DZIP1L: variants seen among roughly 807,000 people sequenced by gnomAD.
DZIP1L encodes cilium assembly protein DZIP1L.
A neutral mutation model predicts 88.7 loss-of-function variants in DZIP1L; 90 were observed. The observed-to-expected ratio is 1.02, with a 90% confidence interval of 0.86 to 1.21. The LOEUF is 1.21. Among genes scored for constraint, DZIP1L ranks in the 50% most tolerant of loss-of-function variants. The pLI is 0.00. For missense variants in DZIP1L, 932 were observed against 955.8 expected (o/e 0.98, Z 0.33); for synonymous variants, 363 against 372.1 (o/e 0.98, Z 0.28).
intron 14 of DZIP1L, among the ~76,000 whole-genome samples, chr3:138,066,891 G>A (rs1346241455): frequency 6.6e-6 from 1 of 152,138 alleles, no homozygotes; most frequent in Non-Finnish European, 1.5e-5. Context: ...AAGGAGGGCC[G>A]CTGATCCAGA....
intron 10 of DZIP1L, 28 bp downstream of exon 10, chr3:138,080,539 A>G (rs373038503): frequency 8.7e-6 from 14 of 1,612,894 alleles, no homozygotes; most frequent in Non-Finnish European, 1.2e-5. Context: ...TCTGCACTGG[A>G]CACCCAGGAA....
At chr3:138,088,878 C>G (rs1389828201) in intron 5 of DZIP1L, 6 of 989,046 alleles carry the variant, frequency 6.1e-6, no homozygotes, top group Non-Finnish European at 7.2e-6. Context: ...GGGTCTCACC[C>G]CAGGCCACTC....
intron 11 of DZIP1L, among the ~76,000 whole-genome samples, chr3:138,077,172 T>C (rs1375302502): frequency 6.6e-6 from 1 of 152,128 alleles, no homozygotes; most frequent in Non-Finnish European, 1.5e-5. Context: ...ACAGGCCAGA[T>C]TGAGCCAATT....
chr3:138,090,527 T>C (rs771266363), intron 5 of DZIP1L, among the ~76,000 whole-genome samples: 2 of 152,112 alleles, frequency 1.3e-5, no homozygotes, highest in Non-Finnish European at 2.9e-5. Context: ...CTGGGAAGCA[T>C]TTTGGATGGA....
At chr3:138,109,037 A>G (rs750846717) in intron 1 of DZIP1L, among the ~76,000 whole-genome samples, 9 of 151,228 alleles carry the variant, frequency 6.0e-5, no homozygotes, top group Non-Finnish European at 1.3e-4. Context: ...GGCCCTGTTT[A>G]AGGTGGGAAA....
At position 138,062,737 on chromosome 3, in the gene DZIP1L, C is replaced by A; in HGVS notation, c.*79G>T. On this transcript the variant is annotated 3_prime_UTR_variant, in exon 16 of 16. Coordinates refer to ENST00000327532, the MANE Select transcript of DZIP1L (RefSeq NM_173543.3). ...TGGTTGTTTGTGAAGACAAGAGGCC[C>A]AGCAGCCTCTTCTGTTGAAGTGGAC... The A allele has an allele frequency of 6.7e-7, 1 of 1,501,304 alleles. No individual in the cohort carries two copies. The highest frequency in any genetic ancestry group is 1.2e-5 in the South Asian group (1 of 86,358). 93.0% of individuals were successfully genotyped at this position (1,501,304 alleles called of 1,614,324 possible). A position where few individuals can be genotyped will look rare whatever the true frequency, so the allele number is the denominator to read the frequency against.
Position 138,063,039 on chromosome 3 carries a change from T to C in DZIP1L, c.2143-62A>G. ...ATAAGGGAGGAGGGTGGCTGAGAGC[T>C]AAGCACATTGCAGGATGGGAATGCA... is the stretch of plus-strand genomic sequence containing the variant. On this transcript the variant is annotated intron_variant, in intron 15 of 15. Coordinates refer to ENST00000327532, the MANE Select transcript of DZIP1L (RefSeq NM_173543.3). The surrounding 1 kb of genome is among the most constrained non-coding windows in gnomAD (Gnocchi z 4.1). 2.5e-6 allele frequency: 4 copies of C among 1,573,004 alleles called. No individual in the cohort carries two copies. The highest frequency in any genetic ancestry group is 3.5e-6 in the Non-Finnish European group (4 of 1,155,098).
chr3:138,094,803 A>G, intron 4 of DZIP1L, 59 bp downstream of exon 4: 1 of 1,604,516 alleles, frequency 6.2e-7, no homozygotes, highest in African/African-American at 1.3e-5. Flanking sequence ...CATGTGCATC[A>G]AGGGTCTCCT....
chr3:138,068,141 T>TG lies in DZIP1L; in HGVS notation c.1832+9dup, dbSNP rs759446478. On this transcript the variant is annotated intron_variant, in intron 13 of 15. Coordinates refer to ENST00000327532, the MANE Select transcript of DZIP1L (RefSeq NM_173543.3). Reference sequence around the variant, plus strand: ...GCAGGTGGGGTGAGAGGGCAGAGTCTGGGGCTCACCTCATCCCGGGCCCCG... The same window carrying TG: ...GCAGGTGGGGTGAGAGGGCAGAGTCTGGGGGCTCACCTCATCCCGGGCCCCG... 9 of 1,491,122 alleles carry TG rather than the reference T, an allele frequency of 6.0e-6. No homozygotes were observed. The highest frequency in any genetic ancestry group is 8.1e-6 in the Non-Finnish European group (9 of 1,117,838). The allele number at this position is 1,491,122 out of a possible 1,614,324, so 92.4% of individuals were successfully genotyped here.
At chr3:138,110,575 C>T (rs2042601677) in intron 1 of DZIP1L, among the ~76,000 whole-genome samples, 1 of 152,096 alleles carries the variant, frequency 6.6e-6, no homozygotes, top group South Asian at 2.1e-4. Context: ...GCACAGCATA[C>T]ACTTTGTCTG....
intron 2 of DZIP1L, chr3:138,101,591 C>T (rs1474005030): frequency 2.0e-5 from 16 of 802,666 alleles, no homozygotes; most frequent in Admixed American, 1.4e-4. Context: ...GAGCTGGAGC[C>T]TGCGCCAGAG....
intron 2 of DZIP1L, chr3:138,101,859 GC>G: frequency 7.4e-7 from 1 of 1,359,076 alleles, no homozygotes; most frequent in Non-Finnish European, 1.1e-6. Context: ...GCTGCAGGGC[GC>G]CCTCCAGCTC....
In DZIP1L at chr3:138,094,966, C is replaced by G. The variant is rs759650616; in HGVS notation, c.604G>C (p.Glu202Gln). ...VAEGGKQKKQ[E>Q]QPVEEVLEEL... ...TCTAACACCTCTTCCACTGGCTGTT[C>G]CTGTTTCTTCTGTTTTCCTGTGGGG... The change falls in exon 4 of 16, where the codon GAA becomes CAA. Residue 202 changes from glutamate to glutamine, a missense_variant. Glu to Gln is a conservative substitution (Grantham distance 29). Transcript: ENST00000327532. 24 of 1,614,116 alleles carry G rather than the reference C, an allele frequency of 1.5e-5. No individual in the cohort carries two copies. The Admixed American group carries it at 1.7e-4, about 11-fold the overall frequency.
chr3:138,093,997 C>A (rs1944354445), intron 4 of DZIP1L, among the ~76,000 whole-genome samples: 1 of 152,208 alleles, frequency 6.6e-6, no homozygotes, highest in African/African-American at 2.4e-5. Flanking sequence ...CTGTTTGGCA[C>A]AAGAGGCCTG....
intron 8 of DZIP1L, 141 bp from the exon 9 acceptor site, chr3:138,081,905 G>T: frequency 1.4e-6 from 1 of 695,718 alleles, no homozygotes; most frequent in Non-Finnish European, 2.3e-6. Context: ...AAGGAGCTCA[G>T]ATGCACCACC....
chr3:138,099,363 C>T (rs890823465), intron 2 of DZIP1L, among the ~76,000 whole-genome samples: 3 of 151,938 alleles, frequency 2.0e-5, no homozygotes, highest in African/African-American at 4.8e-5. Flanking sequence ...TTATGTGTGG[C>T]CCAAAACAAT....
chr3:138,071,986 G>A lies in DZIP1L; in HGVS notation c.1423-151C>T, dbSNP rs1303837892. On this transcript the variant is annotated intron_variant, in intron 11 of 15. Coordinates refer to ENST00000327532, the MANE Select transcript of DZIP1L (RefSeq NM_173543.3). The stretch of plus-strand genomic sequence containing the variant: ...ACTGGGGGGCATGAAATGAGGATCA[G>A]AGAAGGGTAAGCAGCGGCTTCAAAG... The A allele has an allele frequency of 8.9e-6, 7 of 789,654 alleles. No individual in the cohort carries two copies. The East Asian group carries it at 1.4e-4, about 15-fold the overall frequency. 48.9% of individuals were successfully genotyped at this position (789,654 alleles called of 1,614,324 possible). A position where few individuals can be genotyped will look rare whatever the true frequency, so the allele number is the denominator to read the frequency against.
intron 5 of DZIP1L, among the ~76,000 whole-genome samples, chr3:138,089,711 C>A (rs1286642813): frequency 6.6e-6 from 1 of 152,016 alleles, no homozygotes; most frequent in African/African-American, 2.4e-5. Flanking sequence ...AAATGACTAC[C>A]CAACTGCACT....
chr3:138,111,517 G>A (rs1421684928), intron 1 of DZIP1L, among the ~76,000 whole-genome samples: 1 of 152,148 alleles, frequency 6.6e-6, no homozygotes, highest in African/African-American at 2.4e-5. Flanking sequence ...GAGCAGCCCT[G>A]AAACCTTCAT....
Sources: allele counts gnomAD v4.1 joint callset (sites outside exome capture counted in the v4.1 genomes callset), GRCh38; gene constraint gnomAD v4.1.1; non-coding constraint Gnocchi (gnomAD v3.1); transcripts MANE v1.5; gene names NCBI Gene and HGNC (gene_info 2026-07-23, HGNC 2026-07-21).